The following ZBTB16 variants were observed in gnomAD, a reference collection of about 807,000 sequenced individuals.
The protein encoded by ZBTB16 is zinc finger and BTB domain-containing protein 16.
In ZBTB16, 8 loss-of-function variants were observed where a neutral mutation model predicts 56.8. That is an observed-to-expected ratio of 0.14 (90% CI 0.08 to 0.25). The LOEUF is 0.25. Among genes scored for constraint, ZBTB16 ranks in the 10% least tolerant of loss-of-function variants. The pLI, the probability that ZBTB16 is intolerant of heterozygous loss-of-function variation, is 1.00. For missense variants in ZBTB16, 625 were observed against 903.0 expected (o/e 0.69, Z 3.95); for synonymous variants, 363 against 368.5 (o/e 0.98, Z 0.17).
intron 4 of ZBTB16, among the ~76,000 whole-genome samples, chr11:114,204,744 G>A (rs541429750): frequency 2.0e-5 from 3 of 152,166 alleles, no homozygotes; most frequent in Non-Finnish European, 4.4e-5. Context: ...AACTGGGCCC[G>A]CCAAGCAGTT....
chr11:114,068,659 CA>C (rs1457572205), intron 2 of ZBTB16, among the ~76,000 whole-genome samples: 1 of 152,140 alleles, frequency 6.6e-6, no homozygotes, highest in Admixed American at 6.5e-5. Context: ...TTTGGGCCCC[CA>C]AATCTTCACC....
chr11:114,164,834 C>A (rs756442275), intron 3 of ZBTB16, among the ~76,000 whole-genome samples: 32 of 152,118 alleles, frequency 2.1e-4, no homozygotes, highest in Non-Finnish European at 2.6e-4. Flanking sequence ...TCTGTGGTGG[C>A]AGGTATTTAT....
chr11:114,161,619 G>A (rs1339573791), intron 3 of ZBTB16, among the ~76,000 whole-genome samples: 4 of 152,186 alleles, frequency 2.6e-5, no homozygotes, highest in African/African-American at 9.7e-5. Flanking sequence ...TATGGAAGTG[G>A]GTGGTGTAAC....
At position 114,233,105 on chromosome 11, in the gene ZBTB16, ACACACACACACACACACACACTCTCT is replaced by A. The variant is rs1298047301; in HGVS notation, c.1454-9060_1454-9035del. 1.9e-4 allele frequency among the ~76,000 whole-genome samples: 8 copies of A among 42,534 alleles called. 1 individual carries two copies. The highest frequency in any genetic ancestry group is 4.7e-3 in the East Asian group (2 of 430). 27.9% of individuals were successfully genotyped at this position (42,534 alleles called of 152,430 possible). The stretch of plus-strand genomic sequence containing the variant: ...CGCACACACACACACACACACACAC[ACACACACACACACACACACACTCTCT>A]CTCTCTCACACTCCCTTTCCTTCTT... On this transcript the variant is annotated intron_variant, in intron 4 of 6. Transcript: ENST00000335953.
chr11:114,236,018 C>T (rs1362067712), intron 4 of ZBTB16, among the ~76,000 whole-genome samples: 1 of 152,032 alleles, frequency 6.6e-6, no homozygotes, highest in African/African-American at 2.4e-5. Flanking sequence ...TTTCTACATG[C>T]ATCCCCTTTT....
intron 4 of ZBTB16, among the ~76,000 whole-genome samples, 192 bp from the exon 5 acceptor site, chr11:114,241,975 C>T (rs933565749): frequency 1.3e-5 from 2 of 152,210 alleles, no homozygotes; most frequent in East Asian, 1.9e-4. Context: ...TCGGGAACGA[C>T]GTCGATTTTG....
At chr11:114,075,145 A>G (rs904193069) in intron 2 of ZBTB16, among the ~76,000 whole-genome samples, 12 of 152,020 alleles carry the variant, frequency 7.9e-5, no homozygotes, top group Admixed American at 2.0e-4. Flanking sequence ...GCAGCATCTA[A>G]ATTTCCTGCG....
chr11:114,088,395 G>A (rs1460449063), intron 2 of ZBTB16, among the ~76,000 whole-genome samples: 2 of 152,134 alleles, frequency 1.3e-5, no homozygotes, highest in African/African-American at 4.8e-5. Flanking sequence ...TCCTGCCTTA[G>A]CCTCCCAGAG....
intron 4 of ZBTB16, among the ~76,000 whole-genome samples, chr11:114,216,326 T>G (rs1944093016): frequency 6.6e-6 from 1 of 152,218 alleles, no homozygotes; most frequent in African/African-American, 2.4e-5. Context: ...CTTCATGATC[T>G]GAGTCTTACC....
At chr11:114,235,745 T>TTTCCTTCC (rs1339497685) in intron 4 of ZBTB16, among the ~76,000 whole-genome samples, 1 of 149,614 alleles carries the variant, frequency 6.7e-6, no homozygotes, top group South Asian at 2.1e-4. Flanking sequence ...TTTTCTTTTC[T>TTTCCTTCC]TTCCTTCCTT....
At chr11:114,229,172 T>G (rs996563105) in intron 4 of ZBTB16, among the ~76,000 whole-genome samples, 1 of 152,226 alleles carries the variant, frequency 6.6e-6, no homozygotes, top group Non-Finnish European at 1.5e-5. Context: ...CTGAAGCCTC[T>G]TCAATAGGAG....
chr11:114,101,595 C>T (rs1940609233), intron 2 of ZBTB16, among the ~76,000 whole-genome samples: 1 of 152,166 alleles, frequency 6.6e-6, no homozygotes, highest in Non-Finnish European at 1.5e-5. Flanking sequence ...AGCTTGGCCA[C>T]TTTTAAAATT....
intron 2 of ZBTB16, among the ~76,000 whole-genome samples, chr11:114,108,685 C>T (rs772809675): frequency 3.9e-5 from 6 of 152,304 alleles, no homozygotes; most frequent in East Asian, 3.9e-4. Context: ...CTGAATGCAG[C>T]GATGGTACAC....
intron 2 of ZBTB16, among the ~76,000 whole-genome samples, chr11:114,123,087 C>T (rs981266705): frequency 6.6e-5 from 10 of 152,034 alleles, no homozygotes; most frequent in South Asian, 2.1e-4. Context: ...GAGCTGGTGT[C>T]TCTTCTTACA....
intron 3 of ZBTB16, among the ~76,000 whole-genome samples, chr11:114,158,893 C>T (rs1168084663): frequency 1.3e-5 from 2 of 152,194 alleles, no homozygotes; most frequent in Non-Finnish European, 2.9e-5. Flanking sequence ...TGAACAGGGA[C>T]ACTCCTCTCT....
At chr11:114,101,819 T>C (rs1940617011) in intron 2 of ZBTB16, among the ~76,000 whole-genome samples, 1 of 152,252 alleles carries the variant, frequency 6.6e-6, no homozygotes, top group Non-Finnish European at 1.5e-5. Context: ...CCTTGCATTT[T>C]TCATGTCATT....
At chr11:114,082,899 C>T (rs185189174) in intron 2 of ZBTB16, among the ~76,000 whole-genome samples, 8 of 152,306 alleles carry the variant, frequency 5.3e-5, no homozygotes, top group East Asian at 1.9e-4. Context: ...TAGTGAACAG[C>T]GACGCTATCT....
At chr11:114,079,977 C>T (rs968809411) in intron 2 of ZBTB16, among the ~76,000 whole-genome samples, 8 of 152,000 alleles carry the variant, frequency 5.3e-5, no homozygotes, top group Non-Finnish European at 7.4e-5. Context: ...GGCTCCGGGG[C>T]GGCACTTCTG....
intron 4 of ZBTB16, among the ~76,000 whole-genome samples, chr11:114,204,566 C>T (rs779962354): frequency 4.6e-5 from 7 of 152,218 alleles, no homozygotes; most frequent in Non-Finnish European, 1.0e-4. Flanking sequence ...GTTCTCCCTA[C>T]ACCCATTCGT....
Sources: allele counts gnomAD v4.1 joint callset (sites outside exome capture counted in the v4.1 genomes callset), GRCh38; gene constraint gnomAD v4.1.1; transcripts MANE v1.5; gene names NCBI Gene and HGNC (gene_info 2026-07-23, HGNC 2026-07-21).